MYO18B: variants seen among roughly 807,000 people sequenced by gnomAD.
MYO18B encodes unconventional myosin-XVIIIb.
In MYO18B, 204 loss-of-function variants were observed where a neutral mutation model predicts 273.0. The ratio of observed to expected loss-of-function variants is 0.75; its 90% CI spans 0.67 to 0.84. The LOEUF is 0.84. Among genes scored for constraint, MYO18B ranks in the 40% least tolerant of loss-of-function variants. The pLI, the probability that MYO18B is intolerant of heterozygous loss-of-function variation, is 0.00. For missense variants in MYO18B, 3,212 were observed against 3,287.6 expected, an observed-to-expected ratio of 0.98 and a Z score of 0.56; for synonymous variants, 1,330 against 1,305.7, an observed-to-expected ratio of 1.02 and a Z score of -0.40.
At chr22:26,034,594 C>G (rs779604448), downstream of MYO18B, among the ~76,000 whole-genome samples, 1 of 152,208 alleles carries the variant, frequency 6.6e-6, no homozygotes, top group Non-Finnish European at 1.5e-5. Context: ...CTGTGCCCTG[C>G]TATGGCGTCC....
intron 22 of MYO18B, among the ~76,000 whole-genome samples, 155 bp downstream of exon 22, chr22:25,868,540 AC>A (rs1268824907): frequency 1.3e-5 from 2 of 152,214 alleles, no homozygotes; most frequent in African/African-American, 4.8e-5. Context: ...TGCCTATCTT[AC>A]AAGGTCCTGG....
chr22:26,058,440 AG>A, the MYO18B span, among the ~76,000 whole-genome samples: 1 of 152,138 alleles, frequency 6.6e-6, no homozygotes, highest in Non-Finnish European at 1.5e-5. Context: ...TAATTTGACA[AG>A]GAGGGACACT....
At position 25,916,754 on chromosome 22, in the gene MYO18B, G is replaced by A. The variant is rs188693135; in HGVS notation, c.5365-4503G>A. ...GTTTAATAAAGGATTGTGTGTGGCT[G>A]GGCACAGTGGCTCACGCCTGTAATC... On this transcript the variant is annotated intron_variant, in intron 33 of 43. Transcript: ENST00000335473. Among the ~76,000 whole-genome samples the A allele has an allele frequency of 1.1e-4, 16 of 152,298 alleles. No homozygotes were observed. The East Asian group carries it at 3.1e-3, about 29-fold the overall frequency.
intron 39 of MYO18B, among the ~76,000 whole-genome samples, chr22:25,967,154 C>G (rs928016623): frequency 1.3e-5 from 2 of 152,162 alleles, no homozygotes; most frequent in African/African-American, 4.8e-5. Context: ...ATTGAACTTT[C>G]GTCACTTCAG....
intron 1 of MYO18B, among the ~76,000 whole-genome samples, chr22:25,752,667 A>AT (rs143164501): frequency 0.31 from 46,226 of 151,404 alleles, 7,415 homozygotes; most frequent in South Asian, 0.42. Context: ...ATTAAAAAAA[A>AT]ATTTTTTTAG....
At chr22:25,952,154 A>T in intron 37 of MYO18B, 132 bp from the exon 38 acceptor site, 1 of 1,014,126 alleles carries the variant, frequency 9.9e-7, no homozygotes. Context: ...GACATTTAAC[A>T]TGCAGCACAC....
intron 32 of MYO18B, 21 bp downstream of exon 32, chr22:25,908,453 G>C (rs2092092406): frequency 1.3e-6 from 2 of 1,557,374 alleles, no homozygotes; most frequent in Non-Finnish European, 1.7e-6. Flanking sequence ...AGTGAACACA[G>C]CTGTGCCCTT....
chr22:25,832,268 G>T (rs2089734984), intron 15 of MYO18B, among the ~76,000 whole-genome samples: 1 of 152,146 alleles, frequency 6.6e-6, no homozygotes, highest in Non-Finnish European at 1.5e-5. Flanking sequence ...GTACTGAAAA[G>T]AATTGAAATT....
At chr22:26,011,812 ACT>A (rs1257180682) in intron 42 of MYO18B, among the ~76,000 whole-genome samples, 3 of 152,186 alleles carry the variant, frequency 2.0e-5, no homozygotes, top group African/African-American at 7.2e-5. Flanking sequence ...AATTATTCTC[ACT>A]CACATAATCA....
intron 19 of MYO18B, 121 bp downstream of exon 19, chr22:25,846,404 G>A (rs2090247530): frequency 1.9e-6 from 2 of 1,071,314 alleles, no homozygotes; most frequent in Admixed American, 5.3e-5. Flanking sequence ...AGGGGCGAGT[G>A]TCACCCCACG....
chr22:25,898,236 C>T, intron 28 of MYO18B, 71 bp from the exon 29 acceptor site: 2 of 1,528,376 alleles, frequency 1.3e-6, no homozygotes, highest in Non-Finnish European at 1.8e-6. Flanking sequence ...AATAGCAACT[C>T]CTTGAAATAC....
intron 31 of MYO18B, 56 bp from the exon 32 acceptor site, chr22:25,908,266 G>C (rs2092086806): frequency 1.5e-6 from 2 of 1,353,560 alleles, no homozygotes; most frequent in Admixed American, 4.0e-5. Context: ...ATGACATGGA[G>C]GGCTTGGAGA....
chr22:25,973,110 C>A (rs1487749416), intron 39 of MYO18B, among the ~76,000 whole-genome samples: 1 of 152,124 alleles, frequency 6.6e-6, no homozygotes, highest in African/African-American at 2.4e-5. Context: ...TATCTACTTC[C>A]TATTGTTAAG....
chr22:25,842,288 C>G (rs1393141129), intron 17 of MYO18B, among the ~76,000 whole-genome samples: 5 of 152,186 alleles, frequency 3.3e-5, no homozygotes, highest in African/African-American at 9.7e-5. Context: ...CTAGTGCATG[C>G]AAGTACGTTG....
intron 12 of MYO18B, among the ~76,000 whole-genome samples, chr22:25,801,435 C>G (rs1017364511): frequency 6.6e-6 from 1 of 152,266 alleles, no homozygotes; most frequent in Admixed American, 6.5e-5. Flanking sequence ...GGATATGAAT[C>G]CTGGCTCAGC....
intron 42 of MYO18B, among the ~76,000 whole-genome samples, chr22:26,013,134 G>A (rs1261475814): frequency 6.6e-6 from 1 of 152,136 alleles, no homozygotes; most frequent in Non-Finnish European, 1.5e-5. Context: ...CTACACTGTT[G>A]CATGTAGCAG....
At chr22:25,949,827 A>G (rs1422442694) in intron 36 of MYO18B, among the ~76,000 whole-genome samples, 1 of 152,230 alleles carries the variant, frequency 6.6e-6, no homozygotes, top group Non-Finnish European at 1.5e-5. Context: ...ACCCTCTAGA[A>G]TTCCTCTCTT....
chr22:25,994,039 A>G (rs1284199441), intron 40 of MYO18B, among the ~76,000 whole-genome samples: 3 of 152,186 alleles, frequency 2.0e-5, no homozygotes, highest in Non-Finnish European at 4.4e-5. Context: ...ACCTAATTTT[A>G]GAATGCGCAT....
chr22:25,961,416 A>C (rs1186554890), intron 39 of MYO18B, among the ~76,000 whole-genome samples: 2 of 152,140 alleles, frequency 1.3e-5, no homozygotes, highest in Non-Finnish European at 2.9e-5. Context: ...ACAGATGTTG[A>C]GGACTGCTGT....
Sources: allele counts gnomAD v4.1 joint callset (sites outside exome capture counted in the v4.1 genomes callset), GRCh38; gene constraint gnomAD v4.1.1; transcripts MANE v1.5; gene names NCBI Gene and HGNC (gene_info 2026-07-23, HGNC 2026-07-21).